Variants in FANCD2 observed in about 807,000 individuals in gnomAD.
FANCD2 encodes the protein FA complementation group D2, also known as Fanconi anemia group D2 protein.
A neutral mutation model predicts 192.3 loss-of-function variants in FANCD2; 131 were observed. The observed-to-expected ratio is 0.68, with a 90% CI of 0.59 to 0.79. The LOEUF (loss-of-function observed/expected upper bound fraction) is 0.79. Among genes scored for constraint, FANCD2 ranks in the 30% least tolerant of loss-of-function variants. The probability of loss-of-function intolerance (pLI) is 0.00; values close to 1 mark genes in which losing one functional copy is unlikely to be tolerated. For synonymous variants in FANCD2, 524 were observed against 612.5 expected (o/e 0.86, Z 2.13); for missense variants, 1,508 against 1,701.6 (o/e 0.89, Z 2.00).
intron 36 of FANCD2, among the ~76,000 whole-genome samples, chr3:10,089,572 C>T (rs942579243): frequency 3.9e-5 from 6 of 152,158 alleles, no homozygotes; most frequent in Non-Finnish European, 7.4e-5. Context: ...TGGGTTCAAA[C>T]GATTCTCCTA....
At chr3:10,030,249 A>C (rs1471410796) in intron 2 of FANCD2, among the ~76,000 whole-genome samples, 1 of 151,928 alleles carries the variant, frequency 6.6e-6, no homozygotes, top group Admixed American at 6.6e-5. Context: ...TGTACATGCC[A>C]TCATGCCTGG....
Position 10,039,759 on chromosome 3 carries a change from T to C in FANCD2, c.609T>C (p.Ala203=), listed in dbSNP as rs374019283. Residue 203 remains alanine (A), a synonymous_variant, in exon 9 of 44, where the codon GCT becomes GCC. Coordinates refer to ENST00000675286, the MANE Select transcript of FANCD2 (RefSeq NM_001018115.3). ...TTKIMQLISI[A]PENLQHDIIT... Reference sequence around the variant, plus strand: ...AGATCATGCAGCTGATCAGTATTGCTCCAGAGAACCTGCAGCATGACATCA... The same window carrying C: ...AGATCATGCAGCTGATCAGTATTGCCCCAGAGAACCTGCAGCATGACATCA... 52 of 1,613,914 alleles carry C rather than the reference T, an allele frequency of 3.2e-5. No homozygotes were observed. In the African/African-American group the frequency reaches 6.3e-4, roughly 19 times the overall value.
At chr3:10,049,262 G>A in intron 16 of FANCD2, 112 bp from the exon 17 acceptor site, 3 of 1,131,060 alleles carry the variant, frequency 2.7e-6, no homozygotes, top group Non-Finnish European at 2.6e-6. Flanking sequence ...ATGGGTTTGG[G>A]TTGATTGTGA....
At chr3:10,062,836 C>T (rs1239547140) in intron 20 of FANCD2, among the ~76,000 whole-genome samples, 2 of 152,072 alleles carry the variant, frequency 1.3e-5, no homozygotes. Context: ...CAGGCATGCA[C>T]CACCATGCCC....
At chr3:10,090,141 C>T in intron 36 of FANCD2, 151 bp from the exon 37 acceptor site, 1 of 654,504 alleles carries the variant, frequency 1.5e-6, no homozygotes, top group Middle Eastern at 4.1e-4. Context: ...ATTACTGAGT[C>T]CTTTCCGCTC....
chr3:10,051,377 T>G (rs2087202176), intron 17 of FANCD2, among the ~76,000 whole-genome samples: 2 of 72,580 alleles, frequency 2.8e-5, no homozygotes, highest in Non-Finnish European at 4.5e-5. Flanking sequence ...CGAGACTCCG[T>G]CTCAAAAAAA....
chr3:10,026,759 C>A (rs1273101772), intron 1 of FANCD2: 2 of 152,118 alleles, frequency 1.3e-5, no homozygotes, highest in African/African-American at 4.8e-5. Context: ...TGGTATCGCA[C>A]GTGTTAAAGG....
intron 33 of FANCD2, 33 bp downstream of exon 33, chr3:10,085,955 C>G: frequency 7.0e-7 from 1 of 1,419,514 alleles, no homozygotes; most frequent in Non-Finnish European, 1.0e-6. Flanking sequence ...AGATTGTTGT[C>G]CCAAGAAACT....
chr3:10,044,486 A>G (rs1339970496), intron 14 of FANCD2, among the ~76,000 whole-genome samples: 19 of 151,970 alleles, frequency 1.3e-4, no homozygotes, highest in Admixed American at 2.6e-4. Flanking sequence ...TGGCCAATGT[A>G]GCGAAACCCC....
At chr3:10,100,230 T>G (rs1179068240) in intron 43 of FANCD2, among the ~76,000 whole-genome samples, 1 of 152,216 alleles carries the variant, frequency 6.6e-6, no homozygotes, top group Non-Finnish European at 1.5e-5. Context: ...ATTTGTATAA[T>G]ATACCCCTTC....
chr3:10,031,285 C>G (rs34551164), intron 2 of FANCD2, among the ~76,000 whole-genome samples: 13 of 152,038 alleles, frequency 8.6e-5, no homozygotes, highest in African/African-American at 2.9e-4. Flanking sequence ...GGGCAGATCA[C>G]GAGGTCAGGA....
intron 30 of FANCD2, among the ~76,000 whole-genome samples, chr3:10,079,248 A>T (rs1693693889): frequency 6.6e-6 from 1 of 151,746 alleles, no homozygotes; most frequent in Admixed American, 6.6e-5. Flanking sequence ...TGTCTCAGAA[A>T]TAAAAAAAAA....
At chr3:10,033,106 CT>C in intron 3 of FANCD2, 134 bp downstream of exon 3, 1 of 851,020 alleles carries the variant, frequency 1.2e-6, no homozygotes, top group Non-Finnish European at 1.9e-6. Flanking sequence ...GTTGAAATTG[CT>C]TTTTAGAAAA....
intron 26 of FANCD2, among the ~76,000 whole-genome samples, chr3:10,069,459 G>GGCTCCCCCCCCCCCCCCCCCCCCCC (rs758011243): frequency 7.7e-6 from 1 of 129,514 alleles, no homozygotes; most frequent in African/African-American, 3.9e-5. Context: ...TAGTTAAGAT[G>GGCTCCCCCCCCCCCCCCCCCCCCCC]CCTCTCCCCC....
At chr3:10,085,560 T>G (rs1402737903) in intron 32 of FANCD2, among the ~76,000 whole-genome samples, 2 of 151,870 alleles carry the variant, frequency 1.3e-5, no homozygotes, top group East Asian at 3.9e-4. Flanking sequence ...CCCAGCTAAT[T>G]TTTGTATTTT....
intron 18 of FANCD2, among the ~76,000 whole-genome samples, chr3:10,054,361 A>ATATATATATG (rs2087314225): frequency 2.4e-5 from 3 of 126,202 alleles, no homozygotes; most frequent in African/African-American, 3.6e-5. Context: ...ACGTATATAT[A>ATATATATATG]TATATACGTG....
In FANCD2 at chr3:10,101,314, T is replaced by G. The variant is rs1695286075; in HGVS notation, c.*52T>G. On this transcript the variant is annotated 3_prime_UTR_variant, in exon 44 of 44. Coordinates refer to ENST00000675286, the MANE Select transcript of FANCD2 (RefSeq NM_001018115.3). ...TGTGTCTCTGCCAGCCTGTGATCAT[T>G]TTGTGTTAGAGTTTGAAATCCGCTG... 1.5e-6 allele frequency: 2 copies of G among 1,367,982 alleles called. No homozygotes were observed. Among genetic ancestry groups the G allele is most frequent in the Non-Finnish European group, 2.1e-6 (2 of 954,608 alleles). The allele number at this position is 1,367,982 out of a possible 1,614,324, so 84.7% of individuals were successfully genotyped here.
At chr3:10,055,629 G>A (rs531055239) in intron 18 of FANCD2, among the ~76,000 whole-genome samples, 3 of 151,982 alleles carry the variant, frequency 2.0e-5, no homozygotes, top group East Asian at 1.9e-4. Context: ...TGGCTAACAC[G>A]GTGAAACCCC....
rs34641718 is a variant in FANCD2 at position 10,093,658 on chromosome 3, C to T, written c.3888+335C>T. Among the ~76,000 whole-genome samples, 144 of 152,284 alleles carry T rather than the reference C, an allele frequency of 9.5e-4. 1 individual carries two copies. In the East Asian group the frequency reaches 0.026, roughly 28 times the overall value. ...GGAGTAGATGATTTTTCTTTAAAGT[C>T]TATGGGTGGCCTTACAAATGTGGGA... On this transcript the variant is annotated intron_variant, in intron 39 of 43. Coordinates refer to ENST00000675286, the MANE Select transcript of FANCD2 (RefSeq NM_001018115.3).
Sources: gnomAD v4.1 joint callset for allele counts (sites outside exome capture counted in the v4.1 genomes callset) on GRCh38, gnomAD v4.1.1 for gene constraint, MANE v1.5 for transcripts, NCBI Gene and HGNC (gene_info 2026-07-23, HGNC 2026-07-21) for gene names.